The following GLIS3 variants were observed in gnomAD, a reference collection of about 807,000 sequenced individuals.
GLIS3 encodes the protein zinc finger protein GLIS3.
A neutral mutation model predicts 78.6 loss-of-function variants in GLIS3; 53 were observed. The ratio of observed to expected loss-of-function variants is 0.67; its 90% CI spans 0.54 to 0.85. The LOEUF (loss-of-function observed/expected upper bound fraction) is 0.85, where lower values mean the gene tolerates loss of function less well. Ranked by LOEUF, GLIS3 falls within the 40% of genes least tolerant of loss-of-function variation. The pLI, the probability that GLIS3 is intolerant of heterozygous loss-of-function variation, is 0.00. For missense variants in GLIS3, 1,703 were observed against 1,231.1 expected (o/e 1.38, Z -5.74); for synonymous variants, 684 against 509.9 (o/e 1.34, Z -4.60).
At chr9:4,063,500 G>A (rs1358795264) in intron 4 of GLIS3, among the ~76,000 whole-genome samples, 1 of 151,748 alleles carries the variant, frequency 6.6e-6, no homozygotes, top group Non-Finnish European at 1.5e-5. Flanking sequence ...AAACCAACCA[G>A]GTGATTGTCT....
the GLIS3 span, among the ~76,000 whole-genome samples, chr9:4,386,875 TGA>T: frequency 1.3e-5 from 2 of 152,214 alleles, no homozygotes; most frequent in Non-Finnish European, 2.9e-5. Flanking sequence ...ATACATTTTA[TGA>T]GAGTCAGAGG....
At chr9:3,958,938 G>A (rs760449800) in intron 4 of GLIS3, among the ~76,000 whole-genome samples, 7 of 152,242 alleles carry the variant, frequency 4.6e-5, no homozygotes. Flanking sequence ...GGTTAACTAT[G>A]AGGTGAGAAG....
chr9:3,880,918 C>T (rs1349762393), intron 7 of GLIS3, among the ~76,000 whole-genome samples: 1 of 152,208 alleles, frequency 6.6e-6, no homozygotes, highest in Non-Finnish European at 1.5e-5. Flanking sequence ...CCTCAGAAGC[C>T]TGTACCTACC....
At chr9:4,046,661 C>T (rs1480022110) in intron 4 of GLIS3, among the ~76,000 whole-genome samples, 1 of 152,198 alleles carries the variant, frequency 6.6e-6, no homozygotes, top group Non-Finnish European at 1.5e-5. Context: ...ATTATCTTCA[C>T]TTCTAGCGTT....
upstream of GLIS3, among the ~76,000 whole-genome samples, chr9:4,349,212 C>T (rs1928851): frequency 3.3e-5 from 5 of 152,182 alleles, no homozygotes; most frequent in African/African-American, 1.2e-4. Flanking sequence ...CTTTCCACAA[C>T]AGTTTATGAT....
chr9:4,455,366 T>C, the GLIS3 span, among the ~76,000 whole-genome samples: 1 of 152,156 alleles, frequency 6.6e-6, no homozygotes, highest in African/African-American at 2.4e-5. Flanking sequence ...GGAGAGATTA[T>C]TAATAGAGTT....
At chr9:4,230,611 G>A (rs751591) in intron 2 of GLIS3, among the ~76,000 whole-genome samples, 1 of 151,978 alleles carries the variant, frequency 6.6e-6, no homozygotes, top group Admixed American at 6.5e-5. Flanking sequence ...ATGCATCTGT[G>A]ATACTGCCCA....
intron 4 of GLIS3, among the ~76,000 whole-genome samples, chr9:4,101,454 T>C (rs1003773160): frequency 6.6e-6 from 1 of 152,216 alleles, no homozygotes; most frequent in African/African-American, 2.4e-5. Context: ...GTATAAACCA[T>C]ATAAAGCTGT....
intron 1 of GLIS3, among the ~76,000 whole-genome samples, chr9:4,289,696 G>A (rs915666067): frequency 3.9e-5 from 6 of 152,056 alleles, no homozygotes; most frequent in African/African-American, 1.4e-4. Flanking sequence ...AAAAAGCAAG[G>A]AACATCCAGA....
At chr9:3,960,174 A>G (rs903032448) in intron 4 of GLIS3, among the ~76,000 whole-genome samples, 4 of 152,192 alleles carry the variant, frequency 2.6e-5, no homozygotes, top group African/African-American at 9.7e-5. Flanking sequence ...AGAGACACAC[A>G]CAGAGGGAAG....
chr9:4,299,665 GGGA>G lies in GLIS3; in HGVS notation c.-346_-344del, dbSNP rs1259518537. 1 of 152,884 alleles carries G rather than the reference GGGA, an allele frequency of 6.5e-6. No individual in the cohort carries two copies. Among genetic ancestry groups the G allele is most frequent in the Non-Finnish European group, 1.5e-5 (1 of 68,220 alleles). The allele number at this position is 152,884 out of a possible 1,614,324, so 9.5% of individuals were successfully genotyped here. A position where few individuals can be genotyped will look rare whatever the true frequency, so the allele number is the denominator to read the frequency against. ...CGTCTGCGAGGGCAGCGGCGGCAGG[GGGA>G]GGAGGAGGCAGAGGCGGGGTGGCTG... On this transcript the variant is annotated 5_prime_UTR_variant, in exon 1 of 11. Coordinates refer to ENST00000381971, the MANE Select transcript of GLIS3 (RefSeq NM_001042413.2).
chr9:4,120,323 C>T (rs1013937969), intron 3 of GLIS3, among the ~76,000 whole-genome samples: 1 of 152,192 alleles, frequency 6.6e-6, no homozygotes, highest in African/African-American at 2.4e-5. Context: ...CGAGATGTTA[C>T]CATCGAGTGA....
At chr9:4,090,880 T>C (rs1362786384) in intron 4 of GLIS3, among the ~76,000 whole-genome samples, 1 of 152,214 alleles carries the variant, frequency 6.6e-6, no homozygotes, top group Non-Finnish European at 1.5e-5. Flanking sequence ...AGAAGTTTCA[T>C]GCATAGCACA....
chr9:4,162,889 C>A (rs1351358990), intron 2 of GLIS3, among the ~76,000 whole-genome samples: 3 of 147,674 alleles, frequency 2.0e-5, no homozygotes, highest in African/African-American at 5.0e-5. Context: ...AAATCAATCG[C>A]CAACAGATCC....
chr9:4,416,252 T>TTA, the GLIS3 span, among the ~76,000 whole-genome samples: 631 of 75,822 alleles, frequency 8.3e-3, 41 homozygotes, highest in Admixed American at 0.065. Flanking sequence ...ACACTGTTTT[T>TTA]AAAAAAAAAA....
chr9:4,222,761 C>T (rs1587031467), intron 2 of GLIS3, among the ~76,000 whole-genome samples: 1 of 152,148 alleles, frequency 6.6e-6, no homozygotes, highest in South Asian at 2.1e-4. Flanking sequence ...ACTGTGGGCT[C>T]GCATTTTGTG....
chr9:3,920,210 A>G (rs1194175041), intron 6 of GLIS3, among the ~76,000 whole-genome samples: 2 of 151,948 alleles, frequency 1.3e-5, no homozygotes, highest in African/African-American at 4.8e-5. Flanking sequence ...TCTCCGTGTT[A>G]GCCAGGATGG....
At chr9:3,989,841 G>A (rs1275862569) in intron 4 of GLIS3, among the ~76,000 whole-genome samples, 5 of 152,086 alleles carry the variant, frequency 3.3e-5, no homozygotes, top group Non-Finnish European at 7.4e-5. Context: ...AACTGCACTA[G>A]CAACACATTG....
intron 4 of GLIS3, among the ~76,000 whole-genome samples, chr9:3,965,183 C>CTTTTTTT (rs1817839410): frequency 8.0e-6 from 1 of 125,364 alleles, no homozygotes; most frequent in African/African-American, 3.0e-5. Flanking sequence ...CTATTTCTTT[C>CTTTTTTT]TTTTCTTTTC....
Sources: gnomAD v4.1 joint callset for allele counts (sites outside exome capture counted in the v4.1 genomes callset) on GRCh38, gnomAD v4.1.1 for gene constraint, MANE v1.5 for transcripts, NCBI Gene and HGNC (gene_info 2026-07-23, HGNC 2026-07-21) for gene names.